The following PREP variants were observed in gnomAD, a reference collection of about 807,000 sequenced individuals.
The protein encoded by PREP is dJ355L5.1 (prolyl endopeptidase).
Under a neutral mutation model 87.6 loss-of-function variants are expected in PREP, and 29 were observed. That is an observed-to-expected ratio of 0.33 (90% CI 0.25 to 0.45). The LOEUF (loss-of-function observed/expected upper bound fraction) is 0.45, where lower values mean the gene tolerates loss of function less well. Ranked by LOEUF, PREP falls within the 20% of genes least tolerant of loss-of-function variation. PREP has a pLI of 1.00. For missense variants in PREP, 695 were observed against 886.5 expected (o/e 0.78, Z 2.74); for synonymous variants, 337 against 328.6 (o/e 1.03, Z -0.28).
At chr6:105,315,961 C>A (rs1321738384) in intron 10 of PREP, among the ~76,000 whole-genome samples, 1 of 152,234 alleles carries the variant, frequency 6.6e-6, no homozygotes, top group African/African-American at 2.4e-5. Context: ...CAGCTGGTTT[C>A]ATCTTCTATC....
At chr6:105,367,943 G>A (rs1009382814) in intron 6 of PREP, among the ~76,000 whole-genome samples, 6 of 141,634 alleles carry the variant, frequency 4.2e-5, no homozygotes, top group Non-Finnish European at 9.0e-5. Context: ...CCCAGTGGCA[G>A]CAGTTTTTTT....
rs747994099 is a variant in PREP, at chr6:105,277,377, A to AAATC, written c.*763_*766dup. The stretch of plus-strand genomic sequence containing the variant: ...TGATTTCTAGGAATACTTTGTAAAC[A>AAATC]AATCAATATACAAATAGGTGAATAA... On this transcript the variant is annotated 3_prime_UTR_variant, in exon 15 of 15. Transcript: ENST00000652536. Among the ~76,000 whole-genome samples, 14 of 152,326 alleles carry AAATC rather than the reference A, an allele frequency of 9.2e-5. 1 individual carries two copies. The highest frequency in any genetic ancestry group is 7.7e-4 in the East Asian group (4 of 5,188).
chr6:105,334,610 T>G (rs1477782743), intron 7 of PREP, among the ~76,000 whole-genome samples: 1 of 151,788 alleles, frequency 6.6e-6, no homozygotes, highest in Non-Finnish European at 1.5e-5. Flanking sequence ...TCCCAGCTAC[T>G]TGGTAGGCTG....
chr6:105,376,333 A>G (rs1480679679), intron 3 of PREP, 78 bp from the exon 4 acceptor site: 2 of 1,510,064 alleles, frequency 1.3e-6, no homozygotes, highest in African/African-American at 1.4e-5. Context: ...ACAAGCAAAA[A>G]CCAAAACAAA....
chr6:105,287,442 A>C (rs2114614993), intron 11 of PREP, among the ~76,000 whole-genome samples: 1 of 152,280 alleles, frequency 6.6e-6, no homozygotes, highest in Middle Eastern at 3.4e-3. Flanking sequence ...TTTACACAAA[A>C]ACCTCCCATC....
chr6:105,305,168 A>G (rs933887494), intron 10 of PREP, among the ~76,000 whole-genome samples: 3 of 152,234 alleles, frequency 2.0e-5, no homozygotes, highest in Non-Finnish European at 4.4e-5. Context: ...TGAAAAGACA[A>G]ACTCTGGTCA....
At chr6:105,371,737 A>C (rs1772554677) in intron 5 of PREP, among the ~76,000 whole-genome samples, 1 of 152,258 alleles carries the variant, frequency 6.6e-6, no homozygotes, top group South Asian at 2.1e-4. Context: ...GACACTGGTA[A>C]GAAGCACATG....
At chr6:105,377,650 C>T in intron 2 of PREP, 131 bp from the exon 3 acceptor site, 1 of 899,436 alleles carries the variant, frequency 1.1e-6, no homozygotes, top group Non-Finnish European at 1.7e-6. Context: ...CATTACCAGC[C>T]TCTCTCACCT....
At chr6:105,333,217 A>C in intron 8 of PREP, 97 bp downstream of exon 8, 3 of 1,204,962 alleles carry the variant, frequency 2.5e-6, no homozygotes, top group Non-Finnish European at 2.4e-6. Flanking sequence ...AAGGTTTTTT[A>C]CCTTGTAACA....
intron 11 of PREP, among the ~76,000 whole-genome samples, chr6:105,286,881 C>CTGCCCTGTTGGGATT (rs1770197815): frequency 7.7e-6 from 1 of 130,198 alleles, no homozygotes; most frequent in Admixed American, 7.6e-5. Flanking sequence ...CTCTTGAATC[C>CTGCCCTGTTGGGATT]CAACAGGATC....
At chr6:105,372,818 T>C (rs1257264619) in intron 5 of PREP, among the ~76,000 whole-genome samples, 3 of 152,220 alleles carry the variant, frequency 2.0e-5, no homozygotes, top group Non-Finnish European at 2.9e-5. Context: ...AAGGGACTGA[T>C]TGATTGTAAT....
At chr6:105,281,626 G>T in intron 14 of PREP, 120 bp downstream of exon 14, 2 of 1,252,816 alleles carry the variant, frequency 1.6e-6, no homozygotes, top group Non-Finnish European at 2.2e-6. Flanking sequence ...CTCCTCTCCA[G>T]CAGATTATAT....
At chr6:105,322,260 A>G in intron 10 of PREP, 1 of 914,276 alleles carries the variant, frequency 1.1e-6, no homozygotes, top group South Asian at 5.1e-5. Flanking sequence ...CCAAATAAAT[A>G]GGAAACTAAA....
chr6:105,293,602 A>T (rs1232980681), intron 10 of PREP, among the ~76,000 whole-genome samples: 3 of 63,094 alleles, frequency 4.8e-5, no homozygotes, highest in African/African-American at 2.7e-4. Context: ...TTCAATTTGT[A>T]AAAAAAAAAA....
chr6:105,385,220 A>G (rs1772957701), intron 2 of PREP, among the ~76,000 whole-genome samples: 1 of 151,844 alleles, frequency 6.6e-6, no homozygotes, highest in South Asian at 2.1e-4. Context: ...ATAACAAGAG[A>G]AAATAAGAAA....
rs202069928 is a variant in PREP, at chr6:105,398,970, T to C, written c.46-1043A>G. ...TCAAAATTTAAAAATTAGCCGGGCA[T>C]GGTGGCAGGTGCTGTAATCCCAGCT... On this transcript the variant is annotated intron_variant, in intron 1 of 14. Coordinates refer to ENST00000652536, the MANE Select transcript of PREP (RefSeq NM_002726.5). 3.3e-5 allele frequency among the ~76,000 whole-genome samples: 5 copies of C among 152,034 alleles called. No individual in the cohort carries two copies. The East Asian group carries it at 9.7e-4, about 30-fold the overall frequency.
At chr6:105,339,361 C>T (rs941240091) in intron 7 of PREP, among the ~76,000 whole-genome samples, 1 of 152,184 alleles carries the variant, frequency 6.6e-6, no homozygotes, top group African/African-American at 2.4e-5. Context: ...AGGACACCCA[C>T]ACCAAAACCC....
intron 10 of PREP, among the ~76,000 whole-genome samples, chr6:105,319,492 G>C (rs1449931883): frequency 6.6e-6 from 1 of 152,198 alleles, no homozygotes; most frequent in Non-Finnish European, 1.5e-5. Context: ...AGGAATCAAA[G>C]TGTATTTTTG....
At chr6:105,312,814 G>C (rs1243312297) in intron 10 of PREP, among the ~76,000 whole-genome samples, 1 of 152,142 alleles carries the variant, frequency 6.6e-6, no homozygotes, top group African/African-American at 2.4e-5. Flanking sequence ...GCAGAACCAG[G>C]ATGGGTCATG....
Sources: gnomAD v4.1 joint callset for allele counts (sites outside exome capture counted in the v4.1 genomes callset) on GRCh38, gnomAD v4.1.1 for gene constraint, MANE v1.5 for transcripts, NCBI Gene and HGNC (gene_info 2026-07-23, HGNC 2026-07-21) for gene names.